The following KCND2 variants were observed in gnomAD, a reference collection of about 807,000 sequenced individuals.
The protein encoded by KCND2 is A-type voltage-gated potassium channel KCND2.
Under a neutral mutation model 54.4 loss-of-function variants are expected in KCND2, and 16 were observed. The ratio of observed to expected loss-of-function variants is 0.29; its 90% CI spans 0.20 to 0.45. The LOEUF is 0.45. Ranked by LOEUF, KCND2 falls within the 20% of genes least tolerant of loss-of-function variation. The pLI, the probability that KCND2 is intolerant of heterozygous loss-of-function variation, is 1.00. For synonymous variants in KCND2, 317 were observed against 310.7 expected (o/e 1.02, Z -0.21); for missense variants, 486 against 824.2 (o/e 0.59, Z 5.02).
intron 1 of KCND2, among the ~76,000 whole-genome samples, chr7:120,548,990 C>T (rs1792075497): frequency 6.6e-6 from 1 of 152,028 alleles, no homozygotes; most frequent in Admixed American, 6.6e-5. Context: ...TTGGCTCTAG[C>T]ATTTAGATGT....
chr7:120,734,324 T>C (rs1328935633), intron 2 of KCND2, among the ~76,000 whole-genome samples: 1 of 152,084 alleles, frequency 6.6e-6, no homozygotes, highest in East Asian at 1.9e-4. Flanking sequence ...ACTTAAAATA[T>C]GTAAGGAGGC....
chr7:120,592,882 A>G (rs1792688789), intron 1 of KCND2, among the ~76,000 whole-genome samples: 1 of 152,178 alleles, frequency 6.6e-6, no homozygotes, highest in South Asian at 2.1e-4. Flanking sequence ...TAATACATTT[A>G]TTTTATGAAA....
intron 2 of KCND2, among the ~76,000 whole-genome samples, chr7:120,733,933 G>C (rs1792839881): frequency 6.6e-6 from 1 of 152,048 alleles, no homozygotes; most frequent in Admixed American, 6.6e-5. Flanking sequence ...TCAGACATTA[G>C]CCTAATGTTT....
intron 1 of KCND2, among the ~76,000 whole-genome samples, chr7:120,374,624 G>A (rs549292977): frequency 5.9e-5 from 9 of 151,774 alleles, no homozygotes; most frequent in African/African-American, 1.7e-4. Flanking sequence ...ACGATTTCCC[G>A]TTGATTTTCA....
intron 1 of KCND2, among the ~76,000 whole-genome samples, chr7:120,304,289 G>A (rs534711419): frequency 1.3e-5 from 2 of 152,148 alleles, no homozygotes; most frequent in South Asian, 2.1e-4. Flanking sequence ...GGGGAAGTTC[G>A]GTATTTTGAA....
chr7:120,420,750 T>C (rs999421775), intron 1 of KCND2, among the ~76,000 whole-genome samples: 1 of 152,110 alleles, frequency 6.6e-6, no homozygotes, highest in Non-Finnish European at 1.5e-5. Context: ...GGAAAAAAAT[T>C]AATTCAAACT....
intron 1 of KCND2, among the ~76,000 whole-genome samples, chr7:120,642,100 C>T (rs919431671): frequency 5.9e-5 from 9 of 151,922 alleles, no homozygotes; most frequent in Admixed American, 3.3e-4. Context: ...TTCATTTTCT[C>T]GGTATTCTTA....
At chr7:120,499,729 T>C (rs1802905327) in intron 1 of KCND2, among the ~76,000 whole-genome samples, 1 of 152,214 alleles carries the variant, frequency 6.6e-6, no homozygotes, top group Non-Finnish European at 1.5e-5. Context: ...CAAAATGTTT[T>C]ATGCTGTCCC....
chr7:120,467,626 A>G (rs990199795), intron 1 of KCND2, among the ~76,000 whole-genome samples: 1 of 152,128 alleles, frequency 6.6e-6, no homozygotes, highest in South Asian at 2.1e-4. Context: ...AAATGCTACC[A>G]ATCTCTTGTT....
intron 1 of KCND2, among the ~76,000 whole-genome samples, chr7:120,655,885 T>C (rs1377772946): frequency 6.6e-6 from 1 of 152,104 alleles, no homozygotes; most frequent in African/African-American, 2.4e-5. Flanking sequence ...TGTGATTATG[T>C]ACATCTATAT....
chr7:120,297,716 A>T (rs1157810385), intron 1 of KCND2, among the ~76,000 whole-genome samples: 3 of 152,136 alleles, frequency 2.0e-5, no homozygotes, highest in Non-Finnish European at 4.4e-5. Context: ...TGTTAAATGC[A>T]CTTCTGTTCA....
intron 1 of KCND2, among the ~76,000 whole-genome samples, chr7:120,577,851 C>T (rs1792457179): frequency 1.3e-5 from 2 of 152,190 alleles, no homozygotes; most frequent in South Asian, 4.1e-4. Flanking sequence ...TCCCAAAGTG[C>T]TGGGATTACA....
chr7:120,509,868 C>A (rs984139736), intron 1 of KCND2, among the ~76,000 whole-genome samples: 22 of 152,012 alleles, frequency 1.4e-4, no homozygotes, highest in African/African-American at 5.3e-4. Flanking sequence ...TGTTTTGATA[C>A]CATCTATTAT....
chr7:120,745,432 C>A (rs1331261636), intron 4 of KCND2, among the ~76,000 whole-genome samples: 1 of 151,716 alleles, frequency 6.6e-6, no homozygotes, highest in Non-Finnish European at 1.5e-5. Flanking sequence ...TCTAATTTCC[C>A]TGTGGGTTTT....
intron 1 of KCND2, among the ~76,000 whole-genome samples, chr7:120,686,200 C>T (rs7806660): frequency 0.34 from 51,239 of 151,866 alleles, 9,821 homozygotes; most frequent in African/African-American, 0.5. Context: ...CTATTGTGAA[C>T]AATGCTGAAA....
At chr7:120,608,014 CTG>C (rs1300392881) in intron 1 of KCND2, among the ~76,000 whole-genome samples, 2 of 29,758 alleles carry the variant, frequency 6.7e-5, no homozygotes, top group Non-Finnish European at 1.8e-4. Flanking sequence ...AGGAATGTGA[CTG>C]TTTTTTTTTT....
At chr7:120,706,394 A>G (rs927359914) in intron 1 of KCND2, among the ~76,000 whole-genome samples, 1 of 152,208 alleles carries the variant, frequency 6.6e-6, no homozygotes, top group Admixed American at 6.5e-5. Flanking sequence ...GAAGCCCAAT[A>G]TCAAGGTGCC....
At chr7:120,366,746 TGAACATTGTCTATTCATTTGTTAAAA>T (rs1800689627) in intron 1 of KCND2, among the ~76,000 whole-genome samples, 1 of 152,066 alleles carries the variant, frequency 6.6e-6, no homozygotes, top group Non-Finnish European at 1.5e-5. Context: ...CACAGCTACC[TGAACATTGTCTATTCATTTGTTAAAA>T]GAACAGATTG....
chr7:120,440,425 C>T (rs764029319), intron 1 of KCND2, among the ~76,000 whole-genome samples: 1 of 152,006 alleles, frequency 6.6e-6, no homozygotes, highest in Non-Finnish European at 1.5e-5. Flanking sequence ...ATATTTTCTT[C>T]TATACTGTAG....
Sources: gnomAD v4.1 joint callset for allele counts (sites outside exome capture counted in the v4.1 genomes callset) on GRCh38, gnomAD v4.1.1 for gene constraint, MANE v1.5 for transcripts, NCBI Gene and HGNC (gene_info 2026-07-23, HGNC 2026-07-21) for gene names.